Variants in CPAMD8 observed in about 807,000 individuals in gnomAD.
The protein encoded by CPAMD8 is C3 and PZP-like alpha-2-macroglobulin domain-containing protein 8.
In CPAMD8, 146 loss-of-function variants were observed where a neutral mutation model predicts 224.7. The observed-to-expected ratio is 0.65, with a 90% confidence interval of 0.57 to 0.75. The LOEUF is 0.75. Ranked by LOEUF, CPAMD8 falls within the 30% of genes least tolerant of loss-of-function variation. The probability of loss-of-function intolerance (pLI) is 0.00; values close to 1 mark genes in which losing one functional copy is unlikely to be tolerated. For synonymous variants in CPAMD8, 966 were observed against 1,044.6 expected, an observed-to-expected ratio of 0.92 and a Z score of 1.45; for missense variants, 2,301 against 2,537.5, an observed-to-expected ratio of 0.91 and a Z score of 2.00.
chr19:17,004,423 G>T, intron 7 of CPAMD8, 37 bp from the exon 8 acceptor site: 1 of 1,367,188 alleles, frequency 7.3e-7, no homozygotes, highest in Non-Finnish European at 1.0e-6. Flanking sequence ...TTTTCAGAGA[G>T]CCACAGACAC....
intron 13 of CPAMD8, among the ~76,000 whole-genome samples, chr19:16,986,221 C>A (rs562131085): frequency 6.6e-6 from 1 of 152,264 alleles, no homozygotes; most frequent in African/African-American, 2.4e-5. Flanking sequence ...GGTCCCTGCA[C>A]CATGCCCAGC....
At chr19:16,925,505 C>T in intron 25 of CPAMD8, 133 bp from the exon 26 acceptor site, 1 of 681,438 alleles carries the variant, frequency 1.5e-6, no homozygotes, top group African/African-American at 1.8e-5. Context: ...GGACTGGCAC[C>T]CTCTGCCTGC....
intron 19 of CPAMD8, among the ~76,000 whole-genome samples, chr19:16,956,394 C>T (rs1032973805): frequency 4.6e-5 from 7 of 152,164 alleles, no homozygotes; most frequent in Middle Eastern, 3.2e-3. Context: ...TCTCTGCCTC[C>T]CAAGCTCCAT....
At chr19:16,903,955 A>G (rs951551803) in intron 32 of CPAMD8, 98 bp from the exon 33 acceptor site, 3 of 1,247,724 alleles carry the variant, frequency 2.4e-6, no homozygotes, top group Non-Finnish European at 3.4e-6. Context: ...ACAGGCACCA[A>G]CGGGGCTGGA....
intron 23 of CPAMD8, among the ~76,000 whole-genome samples, chr19:16,932,867 T>A (rs1452993607): frequency 6.6e-6 from 1 of 152,194 alleles, no homozygotes; most frequent in African/African-American, 2.4e-5. Flanking sequence ...TGGGTATAAT[T>A]CAAAAAGGTC....
intron 29 of CPAMD8, among the ~76,000 whole-genome samples, chr19:16,912,241 T>G (rs2052755657): frequency 6.6e-6 from 1 of 152,168 alleles, no homozygotes; most frequent in South Asian, 2.1e-4. Context: ...ACAAAACTGG[T>G]CCCTTGTGCC....
chr19:16,993,540 A>C lies in CPAMD8; in HGVS notation c.1142T>G (p.Val381Gly). ...PDGSPAEGVT[V>G]QIKAELTPKD... ...TGGTGTCAGCTCTGCCTTAATCTGGACCGTCACCCCCTCAGCTGGGCTGCC... is the reference window on the plus strand; with the variant it reads ...TGGTGTCAGCTCTGCCTTAATCTGGCCCGTCACCCCCTCAGCTGGGCTGCC... Residue 381 changes from valine to glycine, a missense_variant, in exon 12 of 42, where the codon GTC (valine) becomes GGC (glycine). This residue lies in a region of CPAMD8 where 301 missense variants were observed against 406.6 expected (regional missense o/e 0.74). Transcript: ENST00000443236. 1 of 1,614,160 alleles carries C rather than the reference A, an allele frequency of 6.2e-7. No homozygotes were observed. Among genetic ancestry groups the C allele is most frequent in the Non-Finnish European group, 8.5e-7 (1 of 1,180,018 alleles).
At chr19:16,931,291 A>AG (rs2144980427) in intron 23 of CPAMD8, among the ~76,000 whole-genome samples, 1 of 152,194 alleles carries the variant, frequency 6.6e-6, no homozygotes, top group African/African-American at 2.4e-5. Flanking sequence ...GTGCCATCCA[A>AG]GGGCCTTGAG....
At chr19:16,978,418 C>G (rs1176978536) in intron 14 of CPAMD8, among the ~76,000 whole-genome samples, 5 of 152,112 alleles carry the variant, frequency 3.3e-5, no homozygotes, top group Non-Finnish European at 7.4e-5. Context: ...AGGGCTGGCC[C>G]TGGACAAGGA....
chr19:16,934,087 C>T (rs553341313), intron 23 of CPAMD8, among the ~76,000 whole-genome samples: 21 of 152,198 alleles, frequency 1.4e-4, no homozygotes, highest in East Asian at 5.8e-4. Flanking sequence ...AGAATACATA[C>T]GACATGATTC....
intron 18 of CPAMD8, among the ~76,000 whole-genome samples, chr19:16,961,275 A>T (rs1401052624): frequency 1.3e-5 from 2 of 152,232 alleles, no homozygotes; most frequent in Non-Finnish European, 2.9e-5. Context: ...GGAAGCCGGG[A>T]TAGACTGTAC....
intron 17 of CPAMD8, among the ~76,000 whole-genome samples, chr19:16,973,754 T>C (rs1442457808): frequency 1.3e-5 from 2 of 151,072 alleles, no homozygotes; most frequent in African/African-American, 4.9e-5. Context: ...CGAAGCATGC[T>C]CCCATCCCAA....
intron 13 of CPAMD8, among the ~76,000 whole-genome samples, chr19:16,983,623 G>A (rs577337242): frequency 1.8e-4 from 27 of 152,046 alleles, no homozygotes; most frequent in Admixed American, 2.6e-4. Context: ...CAGATTGGAG[G>A]AGACCAAGGA....
At position 16,955,471 on chromosome 19, in the gene CPAMD8, G is replaced by T. The variant is rs551933330; in HGVS notation, c.2276+2382C>A. On this transcript the variant is annotated intron_variant, in intron 19 of 41. Coordinates refer to ENST00000443236, the MANE Select transcript of CPAMD8 (RefSeq NM_015692.5). ...CAGAAAGGGTTGTTACCAAAGGCTGGGGGAAGGGAAGAGAGGGGAGTGAGT... is the reference window on the plus strand; with the variant it reads ...CAGAAAGGGTTGTTACCAAAGGCTGTGGGAAGGGAAGAGAGGGGAGTGAGT... Among the ~76,000 whole-genome samples, 60 of 152,258 alleles carry T rather than the reference G, an allele frequency of 3.9e-4. 1 individual carries two copies. Among genetic ancestry groups the T allele is most frequent in the Admixed American group, 3.3e-3 (50 of 15,288 alleles).
At chr19:16,942,585 TG>T (rs139605645) in intron 22 of CPAMD8, among the ~76,000 whole-genome samples, 2 of 152,232 alleles carry the variant, frequency 1.3e-5, no homozygotes, top group Non-Finnish European at 2.9e-5. Context: ...GACCATTGGC[TG>T]GGGCCCTGGG....
At position 16,977,470 on chromosome 19, in the gene CPAMD8, GCT is replaced by G. The variant is rs2055322493; in HGVS notation, c.1654_1655del (p.Ser552HisfsTer43). ...VTSLHLAVTP[S>X]MVPLGRLLVF... ...CCAGCAGGCGACCAAGGGGGACCAT[GCT>G]GGGGGTCACGGCCAGATGAAGAGAG... is the stretch of plus-strand genomic sequence containing the variant. On this transcript the variant is annotated frameshift_variant, in exon 15 of 42. Transcript: ENST00000443236. LOFTEE classifies it high-confidence loss of function. The G allele has an allele frequency of 6.2e-7, 1 of 1,611,544 alleles. No individual in the cohort carries two copies. The highest frequency in any genetic ancestry group is 8.5e-7 in the Non-Finnish European group (1 of 1,178,462).
chr19:16,986,323 T>A (rs981725738), intron 13 of CPAMD8, among the ~76,000 whole-genome samples: 1 of 152,086 alleles, frequency 6.6e-6, no homozygotes, highest in African/African-American at 2.4e-5. Flanking sequence ...CGCTGGGGTT[T>A]CTGAGCCACC....
At chr19:17,015,385 A>G (rs1038194347) in intron 3 of CPAMD8, among the ~76,000 whole-genome samples, 1 of 152,168 alleles carries the variant, frequency 6.6e-6, no homozygotes, top group Non-Finnish European at 1.5e-5. Context: ...GGAACAATCT[A>G]CCAGATTATC....
At chr19:16,983,553 A>T (rs2122798550) in intron 13 of CPAMD8, among the ~76,000 whole-genome samples, 1 of 152,334 alleles carries the variant, frequency 6.6e-6, no homozygotes, top group African/African-American at 2.4e-5. Context: ...TTAATTAAAA[A>T]CAAAGAAAGG....
Sources: gnomAD v4.1 joint callset for allele counts (sites outside exome capture counted in the v4.1 genomes callset) on GRCh38, gnomAD v4.1.1 for gene constraint, gnomAD v4.1.1 regional missense constraint, MANE v1.5 for transcripts, NCBI Gene and HGNC (gene_info 2026-07-23, HGNC 2026-07-21) for gene names.